The following SMG9 variants were observed in gnomAD, a reference collection of about 807,000 sequenced individuals.
The protein encoded by SMG9 is SMG9 nonsense mediated mRNA decay factor.
A neutral mutation model predicts 64.0 loss-of-function variants in SMG9; 55 were observed. That is an observed-to-expected ratio of 0.86 (90% confidence interval 0.69 to 1.08). SMG9 has a LOEUF of 1.08. Among genes scored for constraint, SMG9 ranks in the 50% least tolerant of loss-of-function variants. The probability of loss-of-function intolerance (pLI) is 0.00; values close to 1 mark genes in which losing one functional copy is unlikely to be tolerated. For synonymous variants in SMG9, 244 were observed against 254.8 expected, an observed-to-expected ratio of 0.96 and a Z score of 0.41; for missense variants, 554 against 681.3, an observed-to-expected ratio of 0.81 and a Z score of 2.08.
chr19:43,731,017 G>T lies in SMG9; in HGVS notation c.*579C>A. 1.5e-6 allele frequency: 1 copy of T among 677,148 alleles called. No homozygotes were observed. The highest frequency in any genetic ancestry group is 1.8e-6 in the Non-Finnish European group (1 of 548,490). 41.9% of individuals were successfully genotyped at this position (677,148 alleles called of 1,614,324 possible). A position where few individuals can be genotyped will look rare whatever the true frequency, so the allele number is the denominator to read the frequency against. On this transcript the variant is annotated 3_prime_UTR_variant, in exon 14 of 14. Transcript: ENST00000270066. The stretch of plus-strand genomic sequence containing the variant: ...ACAGGGGAGGCTTGATGCCACCCCA[G>T]GAAACAGAATAACCCCTTCTAGGGA...
At position 43,747,535 on chromosome 19, in the gene SMG9, G is replaced by A. The variant is rs554086109; in HGVS notation, c.495C>T (p.Val165=). The A allele has an allele frequency of 1.4e-5, 22 of 1,614,164 alleles. No individual in the cohort carries two copies. Among genetic ancestry groups the A allele is most frequent in the East Asian group, 1.1e-4 (5 of 44,888 alleles). The change falls in exon 5 of 14, where the codon GTC becomes GTT. Residue 165 remains valine (V), a synonymous_variant. Transcript: ENST00000270066. ...GGGGCAGTAGTTTGGCCTGACCCAC[G>A]ACAGCTGGAGATTGGAGAAAGCAGG... is the stretch of plus-strand genomic sequence containing the variant. ...GTAAPAAMDP[V]VGQAKLLPPE...
chr19:43,737,527 G>T, intron 9 of SMG9, 70 bp downstream of exon 9: 1 of 1,369,980 alleles, frequency 7.3e-7, no homozygotes, highest in Non-Finnish European at 1.0e-6. Context: ...TGAGTCAGTG[G>T]CTCAAGTCTC....
In SMG9 at chr19:43,740,314, G is replaced by T. The variant is rs1029064955; in HGVS notation, c.702-96C>A. ...CCTGTGAGCTGAGCATGTGAGCCGTGGTGCCCTGCCTGCTCCCTAAGCTTT... is the reference window on the plus strand; with the variant it reads ...CCTGTGAGCTGAGCATGTGAGCCGTTGTGCCCTGCCTGCTCCCTAAGCTTT... On this transcript the variant is annotated intron_variant, in intron 6 of 13. Transcript: ENST00000270066. 1.8e-4 allele frequency: 160 copies of T among 900,716 alleles called. No individual in the cohort carries two copies. In the African/African-American group the frequency reaches 2.5e-3, roughly 14 times the overall value. 55.8% of individuals were successfully genotyped at this position (900,716 alleles called of 1,614,324 possible). A position where few individuals can be genotyped will look rare whatever the true frequency, so the allele number is the denominator to read the frequency against.
At chr19:43,735,046 C>T (rs1968611048) in intron 9 of SMG9, among the ~76,000 whole-genome samples, 2 of 152,206 alleles carry the variant, frequency 1.3e-5, no homozygotes, top group Non-Finnish European at 2.9e-5. Flanking sequence ...TCATCCCTCC[C>T]TCTCTCCAAC....
chr19:43,737,399 G>T (rs10416580), intron 9 of SMG9, among the ~76,000 whole-genome samples, 198 bp downstream of exon 9: 3,215 of 152,300 alleles, frequency 0.021, 104 homozygotes, highest in African/African-American at 0.072. Context: ...ATTTATTCTG[G>T]TAGATATGTA....
chr19:43,752,971 T>C (rs909292000), intron 1 of SMG9, among the ~76,000 whole-genome samples: 3 of 149,870 alleles, frequency 2.0e-5, no homozygotes, highest in Non-Finnish European at 4.4e-5. Context: ...CTTGGAAGTA[T>C]CTGTTAAATC....
Position 43,732,953 on chromosome 19 carries a change from G to A in SMG9, c.1389C>T (p.His463=), listed in dbSNP as rs755051034. The change falls in exon 13 of 14, where the codon CAC becomes CAT. Residue 463 remains histidine (H), a synonymous_variant. Transcript: ENST00000270066. ...TGCTCACCAAGGACTGGAAACTGGG[G>A]TGGCCACGATACCCAGGCAGCAGGG... ...LFSLLPGYRG[H]PSFQSLVSKL... 2 of 1,613,900 alleles carry A rather than the reference G, an allele frequency of 1.2e-6. No homozygotes were observed. The highest frequency in any genetic ancestry group is 3.3e-5 in the Admixed American group (2 of 59,952).
intron 12 of SMG9, 44 bp from the exon 13 acceptor site, chr19:43,733,046 G>T (rs373731020): frequency 6.4e-7 from 1 of 1,559,878 alleles, no homozygotes; most frequent in African/African-American, 1.4e-5. Context: ...AGACTGCCAG[G>T]GTCTTTCTCC....
At chr19:43,745,875 C>T (rs1968984260) in intron 5 of SMG9, among the ~76,000 whole-genome samples, 1 of 152,182 alleles carries the variant, frequency 6.6e-6, no homozygotes, top group African/African-American at 2.4e-5. Context: ...GTGGTACATG[C>T]CTGTAATCCC....
At position 43,738,205 on chromosome 19, in the gene SMG9, G is replaced by C; in HGVS notation, c.826C>G (p.Pro276Ala). 1 of 1,614,066 alleles carries C rather than the reference G, an allele frequency of 6.2e-7. No homozygotes were observed. Among genetic ancestry groups the C allele is most frequent in the Non-Finnish European group, 8.5e-7 (1 of 1,179,980 alleles). ...TTGATGAGATGGTCTAGGATAGAAG[G>C]GCTCAGGATGGGCTGCAGCAAGGAA... The part of the protein sequence containing the change: ...VFLDTQPILS[P>A]SILDHLINND... Residue 276 changes from proline (P) to alanine (A), a missense_variant, in exon 8 of 14, where the codon CCT (proline) becomes GCT (alanine). Transcript: ENST00000270066.
Position 43,734,476 on chromosome 19 carries a change from T to G in SMG9, c.1015A>C (p.Met339Leu), listed in dbSNP as rs1470921480. ...SLYRFLQTAE[M>L]VKPSTPSPSH... ...GGGGATGGGGTGGAGGGCTTCACCA[T>G]CTCTGCTGTCTGCAGGAACCTTGGG... Residue 339 changes from methionine (M) to leucine (L), a missense_variant, in exon 10 of 14, where the codon ATG becomes CTG. Coordinates refer to ENST00000270066, the MANE Select transcript of SMG9 (RefSeq NM_019108.4). The G allele has an allele frequency of 6.4e-7, 1 of 1,558,854 alleles. No homozygotes were observed. Among genetic ancestry groups the G allele is most frequent in the Non-Finnish European group, 8.7e-7 (1 of 1,150,992 alleles).
chr19:43,742,605 G>A (rs141851758), intron 6 of SMG9, among the ~76,000 whole-genome samples: 4 of 152,018 alleles, frequency 2.6e-5, no homozygotes, highest in South Asian at 2.1e-4. Context: ...TTCCAGTTTT[G>A]TATACCACTG....
Position 43,738,155 on chromosome 19 carries a change from C to T in SMG9, c.876G>A (p.Glu292=), listed in dbSNP as rs144040828. The change falls in exon 8 of 14, where the codon GAG becomes GAA. Residue 292 remains glutamate, a synonymous_variant. Coordinates refer to ENST00000270066, the MANE Select transcript of SMG9 (RefSeq NM_019108.4). The part of the protein sequence containing the change: ...LINNDRKLPP[E]YNLPHTYVEM... ...CAACGTAAGTGTGGGGAAGGTTGTA[C>T]TCTGGAGGCAGTTTGCGGTCATTAT... 7.3e-5 allele frequency: 118 copies of T among 1,613,978 alleles called. No homozygotes were observed. Among genetic ancestry groups the T allele is most frequent in the Non-Finnish European group, 9.6e-5 (113 of 1,180,010 alleles).
chr19:43,737,841 T>C, intron 8 of SMG9, 159 bp from the exon 9 acceptor site: 1 of 699,490 alleles, frequency 1.4e-6, no homozygotes. Context: ...TTACAGGCCA[T>C]CCCTAACTCA....
intron 6 of SMG9, among the ~76,000 whole-genome samples, chr19:43,744,040 T>C (rs1291888434): frequency 6.6e-6 from 1 of 152,180 alleles, no homozygotes; most frequent in African/African-American, 2.4e-5. Flanking sequence ...CCTACATTTT[T>C]CCCTTTCCTT....
In SMG9 at chr19:43,731,183, G is replaced by C. The variant is rs1438012070; in HGVS notation, c.*413C>G. ...ATGACTGTGTTTATTTGAACCACCA[G>C]ATCTGTTCCAATAAAGAGCTCTCCA... On this transcript the variant is annotated 3_prime_UTR_variant, in exon 14 of 14. Transcript: ENST00000270066. 9.9e-7 allele frequency: 1 copy of C among 1,005,774 alleles called. No homozygotes were observed. Among genetic ancestry groups the C allele is most frequent in the African/African-American group, 1.7e-5 (1 of 57,878 alleles). The allele number at this position is 1,005,774 out of a possible 1,614,324, so 62.3% of individuals were successfully genotyped here.
At position 43,733,697 on chromosome 19, in the gene SMG9, CA is replaced by C; in HGVS notation, c.1138del (p.Cys380ValfsTer10). The C allele has an allele frequency of 6.2e-7, 1 of 1,614,106 alleles. No individual in the cohort carries two copies. The highest frequency in any genetic ancestry group is 8.5e-7 in the Non-Finnish European group (1 of 1,180,028). On this transcript the variant is annotated frameshift_variant, in exon 11 of 14. Coordinates refer to ENST00000270066, the MANE Select transcript of SMG9 (RefSeq NM_019108.4). LOFTEE classifies it high-confidence loss of function. ...GTGCATCTGCCGCAGCTTCCGAGGA[CA>C]GAAGTCCTCTCGGCGAGCTTTGTTC... Reference protein sequence around the residue: ...LQNKARREDFCPRKLRQMHLM... With the variant: ...LQNKARREDFXPRKLRQMHLM...
chr19:43,750,854 T>A (rs1004241789), intron 1 of SMG9, 107 bp from the exon 2 acceptor site: 15 of 1,068,256 alleles, frequency 1.4e-5, no homozygotes, highest in Non-Finnish European at 1.8e-5. Flanking sequence ...GGAGATGGAG[T>A]CTCTCTGTCG....
At chr19:43,737,867 A>T in intron 8 of SMG9, 185 bp from the exon 9 acceptor site, 1 of 661,314 alleles carries the variant, frequency 1.5e-6, no homozygotes, top group Non-Finnish European at 2.6e-6. Flanking sequence ...GGTGGGAATT[A>T]TCACCCCCAT....
Sources: gnomAD v4.1 joint callset for allele counts (sites outside exome capture counted in the v4.1 genomes callset) on GRCh38, gnomAD v4.1.1 for gene constraint, MANE v1.5 for transcripts, NCBI Gene and HGNC (gene_info 2026-07-23, HGNC 2026-07-21) for gene names.